SLC36A2: variants seen among roughly 807,000 people sequenced by gnomAD.
SLC36A2 encodes solute carrier family 36 member 2.
SLC36A2 carries 39 observed loss-of-function variants against 42.7 expected under a neutral mutation model. The observed-to-expected ratio is 0.91, with a 90% CI of 0.71 to 1.19. The LOEUF (loss-of-function observed/expected upper bound fraction) is 1.19, where lower values mean the gene tolerates loss of function less well. Among genes scored for constraint, SLC36A2 ranks in the 50% most tolerant of loss-of-function variants. The pLI is 0.00. For missense variants in SLC36A2, 590 were observed against 613.7 expected, an observed-to-expected ratio of 0.96 and a Z score of 0.41; for synonymous variants, 237 against 240.8, an observed-to-expected ratio of 0.98 and a Z score of 0.15.
chr5:151,326,812 C>T (rs972752868), intron 7 of SLC36A2, among the ~76,000 whole-genome samples: 29 of 142,312 alleles, frequency 2.0e-4, no homozygotes, highest in African/African-American at 7.4e-4. Context: ...ATGAATTTAC[C>T]TTTTTTTTTT....
chr5:151,329,391 G>A (rs1485029237), intron 7 of SLC36A2, among the ~76,000 whole-genome samples: 1 of 152,134 alleles, frequency 6.6e-6, no homozygotes, highest in Non-Finnish European at 1.5e-5. Context: ...AAAATGCATA[G>A]GATACAGTTT....
chr5:151,317,137 G>C lies in SLC36A2; in HGVS notation c.1181-49C>G. 3 of 1,600,270 alleles carry C rather than the reference G, an allele frequency of 1.9e-6. No individual in the cohort carries two copies. In the South Asian group the frequency reaches 3.4e-5, roughly 18 times the overall value. ...GATGGAGCATTCCAGGCTTAGCCAA[G>C]CTTTGAAAGTTTGTTCTTAAAGTCC... On this transcript the variant is annotated intron_variant, in intron 9 of 9. Coordinates refer to ENST00000335244, the MANE Select transcript of SLC36A2 (RefSeq NM_181776.3).
In SLC36A2 at chr5:151,335,398, G is replaced by T; in HGVS notation, c.675C>A (p.Thr225=). The T allele has an allele frequency of 6.2e-7, 1 of 1,614,128 alleles. No individual in the cohort carries two copies. Residue 225 remains threonine, a synonymous_variant, in exon 6 of 10, where the codon ACC becomes ACA. Transcript: ENST00000335244. Reference sequence around the variant, plus strand: ...TGATGTTGGCCAGCATGGAGAAGATGGTCAAGATCCTGAGGTTCCGGATGA... The same window carrying T: ...TGATGTTGGCCAGCATGGAGAAGATTGTCAAGATCCTGAGGTTCCGGATGA... ...LVLIRNLRIL[T]IFSMLANISM...
rs543874543 is a variant in SLC36A2, at chr5:151,339,115, G to T, written c.470C>A (p.Thr157Asn). The change falls in exon 5 of 10, where the codon ACC becomes AAC. Residue 157 changes from threonine to asparagine, a missense_variant. By Grantham distance (65) the Thr-to-Asn change is moderately conservative (BLOSUM62 0). Coordinates refer to ENST00000335244, the MANE Select transcript of SLC36A2 (RefSeq NM_181776.3). ...GTACACACAGCAGAAGCCAAGTTGG[G>T]TGATAATAAGGAAGAAGCTCACGAT... ...RHIVSFFLII[T>N]QLGFCCVYIV... 6.2e-7 allele frequency: 1 copy of T among 1,609,716 alleles called. No homozygotes were observed. The highest frequency in any genetic ancestry group is 8.5e-7 in the Non-Finnish European group (1 of 1,177,048).
intron 7 of SLC36A2, among the ~76,000 whole-genome samples, chr5:151,332,201 A>G (rs538351792): frequency 6.6e-6 from 1 of 152,284 alleles, no homozygotes; most frequent in Non-Finnish European, 1.5e-5. Context: ...ATTTAAAAGG[A>G]AAAAAGAAGA....
At chr5:151,339,314 G>T (rs1278370419) in intron 4 of SLC36A2, among the ~76,000 whole-genome samples, 170 bp from the exon 5 acceptor site, 1 of 131,946 alleles carries the variant, frequency 7.6e-6, no homozygotes, top group African/African-American at 3.5e-5. Context: ...GGTAACAATC[G>T]TTCTTTTTTT....
At chr5:151,331,020 T>A (rs1220738080) in intron 7 of SLC36A2, among the ~76,000 whole-genome samples, 1 of 152,048 alleles carries the variant, frequency 6.6e-6, no homozygotes, top group Non-Finnish European at 1.5e-5. Flanking sequence ...GAATTGAGAG[T>A]ACAGAAATAA....
At chr5:151,346,735 G>T (rs553950845) in intron 1 of SLC36A2, among the ~76,000 whole-genome samples, 107 of 152,200 alleles carry the variant, frequency 7.0e-4, no homozygotes, top group Non-Finnish European at 4.9e-4. Flanking sequence ...GAAGCCTTGT[G>T]AATAACCCCC....
chr5:151,318,967 G>T (rs1755601415), intron 9 of SLC36A2: 1 of 155,740 alleles, frequency 6.4e-6, no homozygotes, highest in African/African-American at 2.4e-5. Flanking sequence ...TCCTTTGGAG[G>T]AGTGTGGTAG....
intron 9 of SLC36A2, among the ~76,000 whole-genome samples, chr5:151,318,041 A>C (rs951277811): frequency 6.6e-6 from 1 of 152,206 alleles, no homozygotes; most frequent in Non-Finnish European, 1.5e-5. Context: ...AATTCCCATG[A>C]TAATGCTAAG....
At chr5:151,323,842 C>T (rs137941318) in intron 8 of SLC36A2, among the ~76,000 whole-genome samples, 5 of 152,252 alleles carry the variant, frequency 3.3e-5, no homozygotes, top group Non-Finnish European at 5.9e-5. Flanking sequence ...TGCCACTTGG[C>T]ATCTGCTTAT....
At chr5:151,318,568 A>G (rs1313691175) in intron 9 of SLC36A2, among the ~76,000 whole-genome samples, 1 of 145,282 alleles carries the variant, frequency 6.9e-6, no homozygotes, top group Non-Finnish European at 1.5e-5. Flanking sequence ...ATATTTTTAT[A>G]TATAATAAAT....
intron 4 of SLC36A2, among the ~76,000 whole-genome samples, chr5:151,340,551 CAAAA>C (rs1280812967): frequency 6.6e-6 from 1 of 151,822 alleles, no homozygotes; most frequent in Non-Finnish European, 1.5e-5. Flanking sequence ...TTAATAGAAA[CAAAA>C]AAGCTTACAA....
chr5:151,336,588 G>A (rs946819207), intron 5 of SLC36A2, among the ~76,000 whole-genome samples: 6 of 146,616 alleles, frequency 4.1e-5, no homozygotes, highest in Non-Finnish European at 5.9e-5. Flanking sequence ...ACTCTTTCTT[G>A]TGTGGATTGG....
chr5:151,334,494 C>A (rs1289827244), intron 6 of SLC36A2, among the ~76,000 whole-genome samples: 1 of 152,072 alleles, frequency 6.6e-6, no homozygotes, highest in East Asian at 1.9e-4. Flanking sequence ...AGTTCGAGAC[C>A]AGCCTGGCCA....
chr5:151,317,433 C>T (rs934248798), intron 9 of SLC36A2, among the ~76,000 whole-genome samples: 8 of 146,078 alleles, frequency 5.5e-5, no homozygotes, highest in African/African-American at 2.1e-4. Flanking sequence ...GCCTGGGTGA[C>T]AAAGTGAGGT....
intron 4 of SLC36A2, among the ~76,000 whole-genome samples, chr5:151,342,289 C>T (rs770781483): frequency 1.3e-5 from 2 of 152,158 alleles, no homozygotes; most frequent in Non-Finnish European, 2.9e-5. Flanking sequence ...GTCACCTATA[C>T]CTTCTTGCTT....
rs33912867 is a variant in SLC36A2 at position 151,316,740 on chromosome 5, C to CAAAAA, written c.*72_*76dup. 3,591 of 890,568 alleles carry CAAAAA rather than the reference C, an allele frequency of 4.0e-3. 12 individuals carry two copies. The highest frequency in any genetic ancestry group is 0.016 in the East Asian group (388 of 24,950). The allele number at this position is 890,568 out of a possible 1,614,324, so 55.2% of individuals were successfully genotyped here. ...GGGCAACAAGACAGAAACTCCGTCT[C>CAAAAA]AAAAAAAAAAAAAAAAAAAAAAAGA... On this transcript the variant is annotated 3_prime_UTR_variant, in exon 10 of 10. Transcript: ENST00000335244.
At chr5:151,345,114 G>A (rs1324041754) in intron 1 of SLC36A2, among the ~76,000 whole-genome samples, 2 of 152,128 alleles carry the variant, frequency 1.3e-5, no homozygotes, top group African/African-American at 2.4e-5. Flanking sequence ...AATGTTCCAG[G>A]GAGGCACTCT....
Sources: gnomAD v4.1 joint callset for allele counts (sites outside exome capture counted in the v4.1 genomes callset) on GRCh38, gnomAD v4.1.1 for gene constraint, MANE v1.5 for transcripts, NCBI Gene and HGNC (gene_info 2026-07-23, HGNC 2026-07-21) for gene names.